The following LRBA variants were observed in gnomAD, a reference collection of about 807,000 sequenced individuals.
The protein encoded by LRBA is lipopolysaccharide-responsive and beige-like anchor protein.
Under a neutral mutation model 330.0 loss-of-function variants are expected in LRBA, and 176 were observed. That is an observed-to-expected ratio of 0.53 (90% CI 0.47 to 0.60). The LOEUF (loss-of-function observed/expected upper bound fraction) is 0.60. Among genes scored for constraint, LRBA ranks in the 20% least tolerant of loss-of-function variants. The pLI, the probability that LRBA is intolerant of heterozygous loss-of-function variation, is 0.00. For missense variants in LRBA, 3,259 were observed against 3,444.8 expected, an observed-to-expected ratio of 0.95 and a Z score of 1.35; for synonymous variants, 1,230 against 1,193.0, an observed-to-expected ratio of 1.03 and a Z score of -0.64.
intron 44 of LRBA, among the ~76,000 whole-genome samples, chr4:150,464,009 C>CA (rs34742965): frequency 0.29 from 41,767 of 146,024 alleles, 6,286 homozygotes; most frequent in East Asian, 0.38. Context: ...AACATATCCT[C>CA]AAAAAAAAAA....
intron 56 of LRBA, among the ~76,000 whole-genome samples, chr4:150,272,335 TAAAG>T (rs912189011): frequency 2.6e-5 from 4 of 151,828 alleles, no homozygotes; most frequent in Non-Finnish European, 4.4e-5. Context: ...CATCAAAGAC[TAAAG>T]AAAGATAGAT....
At chr4:150,935,095 G>A (rs1201313752) in intron 2 of LRBA, among the ~76,000 whole-genome samples, 9 of 150,462 alleles carry the variant, frequency 6.0e-5, no homozygotes, top group Non-Finnish European at 1.0e-4. Flanking sequence ...AGAATCGCTT[G>A]AACCCAGGAG....
At chr4:151,005,514 C>G (rs1215180264) in intron 2 of LRBA, among the ~76,000 whole-genome samples, 3 of 134,982 alleles carry the variant, frequency 2.2e-5, no homozygotes, top group African/African-American at 8.5e-5. Flanking sequence ...TACTAGAAAA[C>G]TATACAGAGT....
intron 2 of LRBA, among the ~76,000 whole-genome samples, chr4:150,953,678 G>T (rs1737128132): frequency 6.6e-6 from 1 of 152,082 alleles, no homozygotes; most frequent in Non-Finnish European, 1.5e-5. Flanking sequence ...ATGTTGCCCA[G>T]GCTGGAGTGC....
chr4:150,709,668 G>C (rs559321415), intron 36 of LRBA, among the ~76,000 whole-genome samples: 1 of 151,950 alleles, frequency 6.6e-6, no homozygotes, highest in Non-Finnish European at 1.5e-5. Context: ...GATATGTTAT[G>C]AATAGACATA....
At position 150,639,819 on chromosome 4, in the gene LRBA, GTATATATATATATATA is replaced by G. The variant is rs56731034; in HGVS notation, c.5922-40704_5922-40689del. Among the ~76,000 whole-genome samples the G allele has an allele frequency of 2.2e-3, 10 of 4,528 alleles. 1 individual carries two copies. In the South Asian group the frequency reaches 0.05, roughly 23 times the overall value. 3.0% of individuals were successfully genotyped at this position (4,528 alleles called of 152,430 possible). A position where few individuals can be genotyped will look rare whatever the true frequency, so the allele number is the denominator to read the frequency against. On this transcript the variant is annotated intron_variant, in intron 37 of 56. Coordinates refer to ENST00000651943, the MANE Select transcript of LRBA (RefSeq NM_001364905.1). The stretch of plus-strand genomic sequence containing the variant: ...TATATATATATATGTGTGTGTGTGT[GTATATATATATATATA>G]TATATATATATATATATATATATAT...
intron 38 of LRBA, among the ~76,000 whole-genome samples, chr4:150,592,962 T>C (rs1030040340): frequency 2.6e-5 from 4 of 152,026 alleles, no homozygotes; most frequent in African/African-American, 9.7e-5. Flanking sequence ...TAAAAAGAAA[T>C]ATACTTACAA....
intron 26 of LRBA, among the ~76,000 whole-genome samples, chr4:150,846,371 A>C (rs1228812971): frequency 6.6e-6 from 1 of 152,074 alleles, no homozygotes; most frequent in Non-Finnish European, 1.5e-5. Flanking sequence ...TCTACTAAAA[A>C]TGCAAAGAAT....
At position 150,735,297 on chromosome 4, in the gene LRBA, C is replaced by G; in HGVS notation, c.5715G>C (p.Arg1905Ser). 2 of 1,613,756 alleles carry G rather than the reference C, an allele frequency of 1.2e-6. No individual in the cohort carries two copies. The highest frequency in any genetic ancestry group is 1.7e-6 in the Non-Finnish European group (2 of 1,179,746). Residue 1905 changes from arginine to serine, a missense_variant, in exon 36 of 57, where the codon AGG becomes AGC. Physicochemically the swap from Arg to Ser is moderately radical, Grantham distance 110. Coordinates refer to ENST00000651943, the MANE Select transcript of LRBA (RefSeq NM_001364905.1). ...VANEAEFILS[R>S]QRAEDIHRHA... ...GTCTGTGAATATCTTCTGCTCTCTG[C>G]CTGCTCAGGATAAATTCAGCTTCAT... is the stretch of plus-strand genomic sequence containing the variant.
At chr4:150,861,809 T>C (rs1022963861) in intron 22 of LRBA, among the ~76,000 whole-genome samples, 42 of 152,146 alleles carry the variant, frequency 2.8e-4, no homozygotes, top group Non-Finnish European at 7.4e-5. Context: ...ACAAACACAT[T>C]GTACAGTTGT....
At chr4:150,555,784 C>CACAA (rs1054945304) in intron 40 of LRBA, among the ~76,000 whole-genome samples, 8 of 150,912 alleles carry the variant, frequency 5.3e-5, no homozygotes, top group Admixed American at 4.6e-4. Flanking sequence ...CACACACACA[C>CACAA]ACAAACAAAT....
At chr4:150,921,401 G>A (rs58328072) in intron 4 of LRBA, 108 bp from the exon 5 acceptor site, 9 of 675,718 alleles carry the variant, frequency 1.3e-5, no homozygotes, top group Non-Finnish European at 2.4e-5. Flanking sequence ...ATGCTATAAG[G>A]TTAAAAGCAT....
intron 32 of LRBA, among the ~76,000 whole-genome samples, chr4:150,807,116 G>A (rs952195155): frequency 5.4e-5 from 8 of 149,344 alleles, no homozygotes; most frequent in African/African-American, 1.2e-4. Flanking sequence ...TTTTTTTTAA[G>A]GTCCCCAGCA....
chr4:150,489,076 T>C (rs1286793068), intron 41 of LRBA, among the ~76,000 whole-genome samples: 21 of 55,466 alleles, frequency 3.8e-4, no homozygotes, highest in African/African-American at 1.4e-3. Context: ...ATATATTATA[T>C]ATAATATTAT....
chr4:150,590,576 G>C (rs1302146975), intron 39 of LRBA, 137 bp downstream of exon 39: 1 of 660,824 alleles, frequency 1.5e-6, no homozygotes, highest in Non-Finnish European at 2.6e-6. Context: ...AGAAGGGGGG[G>C]AAGTATTTGA....
chr4:150,784,187 T>C (rs535327479), intron 34 of LRBA, among the ~76,000 whole-genome samples: 2 of 152,212 alleles, frequency 1.3e-5, no homozygotes, highest in Non-Finnish European at 2.9e-5. Flanking sequence ...AATTAACATA[T>C]CTATAGCCTC....
intron 46 of LRBA, among the ~76,000 whole-genome samples, chr4:150,416,312 G>A (rs924651230): frequency 6.6e-6 from 1 of 152,192 alleles, no homozygotes; most frequent in Non-Finnish European, 1.5e-5. Flanking sequence ...CTTGACATGG[G>A]TCAGTGGTTC....
At chr4:150,389,259 T>C (rs919180051) in intron 47 of LRBA, among the ~76,000 whole-genome samples, 1 of 151,682 alleles carries the variant, frequency 6.6e-6, no homozygotes, top group Non-Finnish European at 1.5e-5. Context: ...GAGGCTGAGG[T>C]GGGAGGATTG....
chr4:150,703,245 G>C (rs1472322285), intron 36 of LRBA, among the ~76,000 whole-genome samples: 1 of 152,128 alleles, frequency 6.6e-6, no homozygotes, highest in African/African-American at 2.4e-5. Flanking sequence ...CAATGCTAGG[G>C]AACAAAGTGA....
Sources: allele counts gnomAD v4.1 joint callset (sites outside exome capture counted in the v4.1 genomes callset), GRCh38; gene constraint gnomAD v4.1.1; transcripts MANE v1.5; gene names NCBI Gene and HGNC (gene_info 2026-07-23, HGNC 2026-07-21).